Variants in WNT5A observed in about 807,000 individuals in gnomAD.
The protein encoded by WNT5A is Wnt family member 5A.
A neutral mutation model predicts 42.1 loss-of-function variants in WNT5A; 9 were observed. The ratio of observed to expected loss-of-function variants is 0.21; its 90% CI spans 0.13 to 0.37. The LOEUF (loss-of-function observed/expected upper bound fraction) is 0.37. Ranked by LOEUF, WNT5A falls within the 10% of genes least tolerant of loss-of-function variation. The pLI is 1.00. For missense variants in WNT5A, 426 were observed against 534.0 expected (o/e 0.80, Z 1.99); for synonymous variants, 210 against 210.0 (o/e 1.00, Z 0.00).
the WNT5A span, among the ~76,000 whole-genome samples, chr3:55,503,103 C>T: frequency 6.6e-6 from 1 of 152,148 alleles, no homozygotes; most frequent in Non-Finnish European, 1.5e-5. Context: ...GCAACAGTAA[C>T]CAGGGAAATT....
the WNT5A span, among the ~76,000 whole-genome samples, chr3:55,496,061 A>G: frequency 6.6e-6 from 1 of 152,158 alleles, no homozygotes; most frequent in African/African-American, 2.4e-5. Flanking sequence ...TGTTACCCTA[A>G]TGTGTTTTTT....
chr3:55,482,178 G>A (rs565743216), intron 1 of WNT5A, among the ~76,000 whole-genome samples: 2 of 152,368 alleles, frequency 1.3e-5, no homozygotes, highest in African/African-American at 4.8e-5. Flanking sequence ...AGCCGCAGCT[G>A]GGCGCATCGA....
rs34280613 is a variant in WNT5A at position 55,467,364 on chromosome 3, C to CTTTTT, written c.*2723_*2727dup. 1 of 134,488 alleles carries CTTTTT rather than the reference C, an allele frequency of 7.4e-6. No homozygotes were observed. Among genetic ancestry groups the CTTTTT allele is most frequent in the Non-Finnish European group, 1.6e-5 (1 of 62,048 alleles). 8.3% of individuals were successfully genotyped at this position (134,488 alleles called of 1,614,324 possible). A position where few individuals can be genotyped will look rare whatever the true frequency, so the allele number is the denominator to read the frequency against. ...CAGCTTTAAGCCATCTGCTTGATTT[C>CTTTTT]TTTTTTTTTTTTTTTTGTAAGGAAC... On this transcript the variant is annotated 3_prime_UTR_variant, in exon 5 of 5. Coordinates refer to ENST00000264634, the MANE Select transcript of WNT5A (RefSeq NM_003392.7).
Position 55,470,053 on chromosome 3 carries a change from C to A in WNT5A, c.*39G>T. ...AATCACTGTACTTTCTATAAATAAG[C>A]GGGTCCTGGGAGCGGGGCTGAGTGC... On this transcript the variant is annotated 3_prime_UTR_variant, in exon 5 of 5. Transcript: ENST00000264634. 1 of 1,610,014 alleles carries A rather than the reference C, an allele frequency of 6.2e-7. No homozygotes were observed. Among genetic ancestry groups the A allele is most frequent in the Non-Finnish European group, 8.5e-7 (1 of 1,176,572 alleles).
chr3:55,492,893 G>A (rs867477201), upstream of WNT5A, among the ~76,000 whole-genome samples: 4 of 152,224 alleles, frequency 2.6e-5, no homozygotes, highest in South Asian at 2.1e-4. Flanking sequence ...TAGGAGTTGC[G>A]AATCCTGACA....
rs1559549067 is a variant in WNT5A, at chr3:55,467,085, C to T, written c.*3007G>A. 1 of 152,130 alleles carries T rather than the reference C, an allele frequency of 6.6e-6. No individual in the cohort carries two copies. The highest frequency in any genetic ancestry group is 2.4e-5 in the African/African-American group (1 of 41,424). The allele number at this position is 152,130 out of a possible 1,614,324, so 9.4% of individuals were successfully genotyped here. The stretch of plus-strand genomic sequence containing the variant: ...AACCAGTTTTCATTCTCTGCAGACC[C>T]GGGCTTTCTTTTTATAAAAACTGCT... On this transcript the variant is annotated 3_prime_UTR_variant, in exon 5 of 5. Transcript: ENST00000264634.
chr3:55,499,118 A>T, the WNT5A span, among the ~76,000 whole-genome samples: 1 of 152,240 alleles, frequency 6.6e-6, no homozygotes, highest in African/African-American at 2.4e-5. Flanking sequence ...TTAATGTTTA[A>T]GTAAAAAAGG....
At chr3:55,491,096 C>T (rs890214871), upstream of WNT5A, among the ~76,000 whole-genome samples, 5 of 152,134 alleles carry the variant, frequency 3.3e-5, no homozygotes, top group South Asian at 4.1e-4. Context: ...AACAACCACA[C>T]GAATGGGCGA....
chr3:55,476,453 A>G (rs1169275523), intron 3 of WNT5A, among the ~76,000 whole-genome samples: 1 of 152,188 alleles, frequency 6.6e-6, no homozygotes, highest in Non-Finnish European at 1.5e-5. Context: ...GATAGTACAG[A>G]AAATGCTGTG....
chr3:55,481,677 G>C (rs536672737), intron 1 of WNT5A, among the ~76,000 whole-genome samples: 1 of 152,152 alleles, frequency 6.6e-6, no homozygotes, highest in Non-Finnish European at 1.5e-5. Context: ...GAAGGAGATG[G>C]GGGCCCTAGG....
the WNT5A span, among the ~76,000 whole-genome samples, chr3:55,502,691 C>T: frequency 1.8e-4 from 27 of 152,292 alleles, no homozygotes; most frequent in African/African-American, 6.5e-4. Context: ...AAGAATCATG[C>T]TGTAAAATCA....
intron 4 of WNT5A, among the ~76,000 whole-genome samples, chr3:55,470,969 G>A (rs985903702): frequency 6.6e-6 from 1 of 152,146 alleles, no homozygotes; most frequent in Non-Finnish European, 1.5e-5. Flanking sequence ...GTGAGACCCA[G>A]AGAGATGAGC....
chr3:55,494,779 C>T (rs755564559), upstream of WNT5A, among the ~76,000 whole-genome samples: 26 of 152,166 alleles, frequency 1.7e-4, no homozygotes, highest in Non-Finnish European at 3.1e-4. Flanking sequence ...CCTCATGATC[C>T]ACCCACCTTG....
At chr3:55,489,490 ACCCTCCACAGC>A (rs1475565712), upstream of WNT5A, among the ~76,000 whole-genome samples, 2 of 139,116 alleles carry the variant, frequency 1.4e-5, no homozygotes, top group African/African-American at 5.5e-5. Flanking sequence ...ATGCCGTTCC[ACCCTCCACAGC>A]CCCTTCCCAT....
chr3:55,496,653 A>G, the WNT5A span, among the ~76,000 whole-genome samples: 7 of 152,162 alleles, frequency 4.6e-5, no homozygotes, highest in Non-Finnish European at 8.8e-5. Context: ...TCATGCAGCT[A>G]TGTCATAACA....
In WNT5A at chr3:55,481,749, G is replaced by A. The variant is rs1389041573; in HGVS notation, c.7-831C>T. The stretch of plus-strand genomic sequence containing the variant: ...GAAACTGGAAAAGAGTGCCACCCTC[G>A]CCCGCGTCGCCTGTGGCCTCTTCCA... On this transcript the variant is annotated intron_variant, in intron 1 of 4. Coordinates refer to ENST00000264634, the MANE Select transcript of WNT5A (RefSeq NM_003392.7). Among the ~76,000 whole-genome samples the A allele has an allele frequency of 3.3e-5, 5 of 152,170 alleles. No individual in the cohort carries two copies. In the Middle Eastern group the frequency reaches 0.014, roughly 414 times the overall value.
chr3:55,476,467 C>T (rs990606731), intron 3 of WNT5A, among the ~76,000 whole-genome samples: 1 of 151,992 alleles, frequency 6.6e-6, no homozygotes, highest in African/African-American at 2.4e-5. Context: ...TGCTGTGGCC[C>T]TGGATGGGGG....
intron 1 of WNT5A, among the ~76,000 whole-genome samples, chr3:55,481,680 G>A (rs2051468266): frequency 6.6e-6 from 1 of 152,152 alleles, no homozygotes. Flanking sequence ...GGAGATGGGG[G>A]CCCTAGGGGA....
intron 4 of WNT5A, among the ~76,000 whole-genome samples, chr3:55,472,008 C>A (rs2051260866): frequency 6.6e-6 from 1 of 152,128 alleles, no homozygotes. Flanking sequence ...AACCTTTGCT[C>A]CCCACTGAGG....
Sources: gnomAD v4.1 joint callset for allele counts (sites outside exome capture counted in the v4.1 genomes callset) on GRCh38, gnomAD v4.1.1 for gene constraint, MANE v1.5 for transcripts, NCBI Gene and HGNC (gene_info 2026-07-23, HGNC 2026-07-21) for gene names.